The following MBNL1 variants were observed in gnomAD, a reference collection of about 807,000 sequenced individuals.
MBNL1 encodes the protein muscleblind-like protein 1.
A neutral mutation model predicts 42.2 loss-of-function variants in MBNL1; 8 were observed. The ratio of observed to expected loss-of-function variants is 0.19; its 90% CI spans 0.11 to 0.34. The LOEUF (loss-of-function observed/expected upper bound fraction) is 0.34, where lower values mean the gene tolerates loss of function less well. Among genes scored for constraint, MBNL1 ranks in the 10% least tolerant of loss-of-function variants. The pLI is 1.00. For missense variants in MBNL1, 309 were observed against 495.3 expected (o/e 0.62, Z 3.57); for synonymous variants, 169 against 173.9 (o/e 0.97, Z 0.22).
At chr3:152,428,487 A>G (rs2098965459) in intron 3 of MBNL1, among the ~76,000 whole-genome samples, 1 of 152,236 alleles carries the variant, frequency 6.6e-6, no homozygotes, top group African/African-American at 2.4e-5. Context: ...TTACCTAAAG[A>G]GTCCTAATTC....
At chr3:152,316,087 A>G (rs2071096877) in intron 2 of MBNL1, among the ~76,000 whole-genome samples, 1 of 152,196 alleles carries the variant, frequency 6.6e-6, no homozygotes, top group Admixed American at 6.5e-5. Flanking sequence ...TTCAGGATAA[A>G]TTGAAGAAGT....
chr3:152,409,475 A>G (rs1389262317), intron 2 of MBNL1, among the ~76,000 whole-genome samples: 1 of 152,140 alleles, frequency 6.6e-6, no homozygotes, highest in East Asian at 1.9e-4. Context: ...GAAAAAAAAA[A>G]AAATGGTAAG....
intron 2 of MBNL1, among the ~76,000 whole-genome samples, chr3:152,363,087 TAGG>T (rs1374090347): frequency 2.0e-5 from 3 of 152,164 alleles, no homozygotes; most frequent in East Asian, 1.9e-4. Context: ...GACATAATAA[TAGG>T]AGAAATAGAA....
chr3:152,453,427 C>T (rs1320166396), intron 6 of MBNL1, among the ~76,000 whole-genome samples: 1 of 152,192 alleles, frequency 6.6e-6, no homozygotes, highest in East Asian at 1.9e-4. Context: ...GCACACCATT[C>T]TGCTCTGCAA....
At chr3:152,379,983 A>G (rs565779736) in intron 2 of MBNL1, among the ~76,000 whole-genome samples, 1 of 152,270 alleles carries the variant, frequency 6.6e-6, no homozygotes, top group African/African-American at 2.4e-5. Flanking sequence ...CAAGACTGCT[A>G]TTCCTAGCCC....
At chr3:152,333,062 G>T (rs2086416080) in intron 2 of MBNL1, among the ~76,000 whole-genome samples, 2 of 152,102 alleles carry the variant, frequency 1.3e-5, no homozygotes, top group South Asian at 4.1e-4. Context: ...GCTTTCTGAA[G>T]CTCTCTCTAA....
chr3:152,350,513 C>G (rs1458284125), intron 2 of MBNL1, among the ~76,000 whole-genome samples: 2 of 152,104 alleles, frequency 1.3e-5, no homozygotes, highest in Admixed American at 1.3e-4. Context: ...GAGGGTTATT[C>G]CACTGCAGAA....
chr3:152,392,002 A>G (rs777711089), intron 2 of MBNL1, among the ~76,000 whole-genome samples: 20 of 152,216 alleles, frequency 1.3e-4, no homozygotes, highest in Non-Finnish European at 2.6e-4. Context: ...TAATATCAAT[A>G]AATTGCAAAC....
chr3:152,407,748 G>A lies in MBNL1; in HGVS notation c.175-7193G>A, dbSNP rs144596941. Among the ~76,000 whole-genome samples the A allele has an allele frequency of 2.4e-3, 358 of 152,238 alleles. 1 individual carries two copies. Among genetic ancestry groups the A allele is most frequent in the African/African-American group, 8.5e-3 (351 of 41,532 alleles). On this transcript the variant is annotated intron_variant, in intron 2 of 9. Transcript: ENST00000324210. ...TTAACCCAAATGCCCATCAATGATA[G>A]ACTGGATAGAGAAAATGTGATATCC...
At chr3:152,250,956 C>G (rs2034424245) in intron 2 of MBNL1, among the ~76,000 whole-genome samples, 1 of 152,084 alleles carries the variant, frequency 6.6e-6, no homozygotes, top group African/African-American at 2.4e-5. Context: ...TACTCGCAAA[C>G]TGAATCCAGC....
At chr3:152,408,969 G>C (rs1209339076) in intron 2 of MBNL1, among the ~76,000 whole-genome samples, 1 of 152,156 alleles carries the variant, frequency 6.6e-6, no homozygotes, top group African/African-American at 2.4e-5. Context: ...ATCTTTTTAG[G>C]ATGTATGTGC....
intron 2 of MBNL1, among the ~76,000 whole-genome samples, chr3:152,409,047 A>T (rs188625764): frequency 6.6e-6 from 1 of 152,230 alleles, no homozygotes; most frequent in African/African-American, 2.4e-5. Context: ...TTTAAGAGCA[A>T]CAATATACTT....
At chr3:152,410,305 A>G (rs963046577) in intron 2 of MBNL1, among the ~76,000 whole-genome samples, 6 of 152,178 alleles carry the variant, frequency 3.9e-5, no homozygotes, top group Admixed American at 2.6e-4. Context: ...TAAATTCACA[A>G]TCGAACAACT....
intron 3 of MBNL1, among the ~76,000 whole-genome samples, chr3:152,429,157 A>C (rs542943034): frequency 6.6e-6 from 1 of 152,352 alleles, no homozygotes; most frequent in South Asian, 2.1e-4. Flanking sequence ...TAAATACAAT[A>C]AATAGCACCG....
At chr3:152,436,120 T>C (rs2099075242) in intron 4 of MBNL1, among the ~76,000 whole-genome samples, 1 of 152,192 alleles carries the variant, frequency 6.6e-6, no homozygotes, top group South Asian at 2.1e-4. Flanking sequence ...ATGAACATAA[T>C]TGATTCTAAT....
intron 9 of MBNL1, among the ~76,000 whole-genome samples, chr3:152,459,800 A>G (rs967870101): frequency 6.6e-6 from 1 of 152,214 alleles, no homozygotes; most frequent in African/African-American, 2.4e-5. Context: ...TTTATTTACA[A>G]AAACAGGCAG....
At chr3:152,442,148 C>T (rs2099153561) in intron 4 of MBNL1, among the ~76,000 whole-genome samples, 3 of 152,072 alleles carry the variant, frequency 2.0e-5, no homozygotes. Context: ...TAAATCTGTA[C>T]ATTTATCTGC....
chr3:152,442,437 A>C (rs1475236768), intron 4 of MBNL1, among the ~76,000 whole-genome samples: 2 of 152,228 alleles, frequency 1.3e-5, no homozygotes, highest in East Asian at 3.8e-4. Flanking sequence ...CATACAGAAG[A>C]CTGGATGAGA....
chr3:152,446,567 G>GT lies in MBNL1; in HGVS notation c.807+1035dup, dbSNP rs1431046564. The GT allele has an allele frequency of 1.6e-5, 10 of 641,530 alleles. No homozygotes were observed. In the East Asian group the frequency reaches 2.1e-4, roughly 14 times the overall value. 39.7% of individuals were successfully genotyped at this position (641,530 alleles called of 1,614,324 possible). Reference sequence around the variant, plus strand: ...GTTGTATATGGCATTCCGATGATTTGTTTTTTTATTTGTTTTTTCTCACCT... The same window carrying GT: ...GTTGTATATGGCATTCCGATGATTTGTTTTTTTTATTTGTTTTTTCTCACCT... On this transcript the variant is annotated intron_variant, in intron 5 of 9. Transcript: ENST00000324210.
Sources: gnomAD v4.1 joint callset for allele counts (sites outside exome capture counted in the v4.1 genomes callset) on GRCh38, gnomAD v4.1.1 for gene constraint, MANE v1.5 for transcripts, NCBI Gene and HGNC (gene_info 2026-07-23, HGNC 2026-07-21) for gene names.